GLCCI1: variants seen among roughly 807,000 people sequenced by gnomAD.
The protein encoded by GLCCI1 is glucocorticoid induced 1.
Under a neutral mutation model 52.2 loss-of-function variants are expected in GLCCI1, and 24 were observed. The ratio of observed to expected loss-of-function variants is 0.46; its 90% CI spans 0.33 to 0.65. The LOEUF is 0.65. GLCCI1 is among the 30% of genes least tolerant of loss of function. The pLI, the probability that GLCCI1 is intolerant of heterozygous loss-of-function variation, is 0.02. For synonymous variants in GLCCI1, 310 were observed against 276.5 expected (o/e 1.12, Z -1.20); for missense variants, 704 against 701.5 (o/e 1.00, Z -0.04).
chr7:7,969,663 A>G lies in GLCCI1; in HGVS notation c.313A>G (p.Ser105Gly). The part of the protein sequence containing the change: ...LPGPGAARGP[S>G]PSSPTPPAAA... ...GGGGCCCGGCGCGGCCCGCGGCCCC[A>G]GCCCGTCCAGCCCGACGCCGCCGGC... Residue 105 changes from serine to glycine, a missense_variant, in exon 1 of 8, where the codon AGC becomes GGC. Around this residue, in one of 3 missense-constraint regions of GLCCI1, gnomAD observed 547 missense variants for 524.8 expected, o/e 1.04. Transcript: ENST00000223145. This position sits in a 1 kb window ranked among gnomAD's most constrained non-coding sequence, Gnocchi z 4.9. The G allele has an allele frequency of 1.9e-6, 2 of 1,057,810 alleles. No homozygotes were observed. The highest frequency in any genetic ancestry group is 9.8e-5 in the East Asian group (1 of 10,238). 65.5% of individuals were successfully genotyped at this position (1,057,810 alleles called of 1,614,324 possible).
At chr7:7,988,902 G>A (rs1377233673) in intron 1 of GLCCI1, among the ~76,000 whole-genome samples, 3 of 152,066 alleles carry the variant, frequency 2.0e-5, no homozygotes, top group African/African-American at 7.2e-5. Flanking sequence ...GCTGCAGTTA[G>A]ATAAGGCTAA....
chr7:8,035,346 G>A (rs1200196471), intron 3 of GLCCI1, among the ~76,000 whole-genome samples: 2 of 152,200 alleles, frequency 1.3e-5, no homozygotes, highest in Non-Finnish European at 2.9e-5. Flanking sequence ...TGGCCTCAGT[G>A]CTTAAGCACA....
At chr7:8,059,230 A>G (rs1782464175) in intron 4 of GLCCI1, among the ~76,000 whole-genome samples, 1 of 152,208 alleles carries the variant, frequency 6.6e-6, no homozygotes, top group Non-Finnish European at 1.5e-5. Context: ...TCAATATGAG[A>G]AAAGTTCATG....
In GLCCI1 at chr7:8,088,771, G is replaced by A. The variant is rs148412769; in HGVS notation, c.*2233G>A. ...TCTCATGAGATACTAAATATTAATTGTGTTGTACATTTGTTCTTAGCATAT... is the reference window on the plus strand; with the variant it reads ...TCTCATGAGATACTAAATATTAATTATGTTGTACATTTGTTCTTAGCATAT... On this transcript the variant is annotated 3_prime_UTR_variant, in exon 8 of 8. Transcript: ENST00000223145. 2.0e-3 allele frequency: 300 copies of A among 152,700 alleles called. 1 individual carries two copies. Among genetic ancestry groups the A allele is most frequent in the African/African-American group, 6.9e-3 (285 of 41,558 alleles). The allele number at this position is 152,700 out of a possible 1,614,324, so 9.5% of individuals were successfully genotyped here.
chr7:8,006,599 T>C (rs1781154704), intron 2 of GLCCI1, among the ~76,000 whole-genome samples: 1 of 152,196 alleles, frequency 6.6e-6, no homozygotes, highest in Non-Finnish European at 1.5e-5. Context: ...GCAGCAAATA[T>C]AAAGACCAAT....
chr7:7,995,067 C>A (rs1185650641), intron 1 of GLCCI1, among the ~76,000 whole-genome samples: 1 of 152,056 alleles, frequency 6.6e-6, no homozygotes, highest in Non-Finnish European at 1.5e-5. Flanking sequence ...GACATCAATC[C>A]CAAGTAAAAG....
intron 1 of GLCCI1, among the ~76,000 whole-genome samples, chr7:7,996,162 C>T (rs1214293997): frequency 1.3e-5 from 2 of 152,124 alleles, no homozygotes; most frequent in Non-Finnish European, 2.9e-5. Flanking sequence ...ATATGACTTT[C>T]CACCTTTGGT....
rs567972162 is a variant in GLCCI1 at position 7,987,238 on chromosome 7, G to A, written c.458-16670G>A. Among the ~76,000 whole-genome samples the A allele has an allele frequency of 4.0e-4, 61 of 152,242 alleles. No homozygotes were observed. The South Asian group carries it at 0.012, about 30-fold the overall frequency. ...TCTTTGGGTATATTTTTCCTGTCAGGAATACTTGTGCCTCTAATATACATG... is the reference window on the plus strand; with the variant it reads ...TCTTTGGGTATATTTTTCCTGTCAGAAATACTTGTGCCTCTAATATACATG... On this transcript the variant is annotated intron_variant, in intron 1 of 7. Coordinates refer to ENST00000223145, the MANE Select transcript of GLCCI1 (RefSeq NM_138426.4).
intron 1 of GLCCI1, among the ~76,000 whole-genome samples, chr7:7,979,979 A>C (rs1174550340): frequency 1.3e-5 from 2 of 152,060 alleles, no homozygotes; most frequent in Non-Finnish European, 2.9e-5. Context: ...TGTGTCACCC[A>C]GGCTGAAGCA....
At chr7:8,081,449 A>T (rs557301503) in intron 6 of GLCCI1, among the ~76,000 whole-genome samples, 2 of 152,218 alleles carry the variant, frequency 1.3e-5, no homozygotes, top group Non-Finnish European at 2.9e-5. Flanking sequence ...GAGATTTTAC[A>T]TACTACCTGC....
At position 8,058,595 on chromosome 7, in the gene GLCCI1, G is replaced by C. The variant is rs780316328; in HGVS notation, c.814-1501G>C. ...GAAATGGTGGGGCAATTGGATTACT[G>C]TGTGGGGGAAATAATACTGAGACTT... On this transcript the variant is annotated intron_variant, in intron 4 of 7. Transcript: ENST00000223145. Among the ~76,000 whole-genome samples, 26 of 152,326 alleles carry C rather than the reference G, an allele frequency of 1.7e-4. 1 individual carries two copies. The South Asian group carries it at 3.9e-3, about 23-fold the overall frequency.
At chr7:8,000,244 G>A (rs1264354476) in intron 1 of GLCCI1, among the ~76,000 whole-genome samples, 1 of 152,094 alleles carries the variant, frequency 6.6e-6, no homozygotes, top group Non-Finnish European at 1.5e-5. Context: ...TCAGATAATG[G>A]GAGATGTTAA....
At chr7:8,062,955 A>G (rs1782549727) in intron 5 of GLCCI1, among the ~76,000 whole-genome samples, 2 of 152,172 alleles carry the variant, frequency 1.3e-5, no homozygotes, top group Admixed American at 1.3e-4. Context: ...TTTATGGTAG[A>G]GCAATTTATA....
At chr7:7,989,891 A>G (rs188544751) in intron 1 of GLCCI1, among the ~76,000 whole-genome samples, 4 of 152,218 alleles carry the variant, frequency 2.6e-5, no homozygotes, top group Admixed American at 2.6e-4. Context: ...ATATAGGTGA[A>G]AAGAGAGACA....
At chr7:8,010,066 A>C (rs1196945199) in intron 2 of GLCCI1, among the ~76,000 whole-genome samples, 1 of 152,116 alleles carries the variant, frequency 6.6e-6, no homozygotes, top group African/African-American at 2.4e-5. Flanking sequence ...TATAGGCCTT[A>C]AACTTTTTCT....
chr7:8,000,937 C>G (rs1289817833), intron 1 of GLCCI1, among the ~76,000 whole-genome samples: 1 of 152,158 alleles, frequency 6.6e-6, no homozygotes, highest in African/African-American at 2.4e-5. Context: ...TGTGTCTCTG[C>G]ATGTGAGATG....
rs755986561 is a variant in GLCCI1 at position 7,969,403 on chromosome 7, C to G, written c.53C>G (p.Pro18Arg). Residue 18 changes from proline (P) to arginine (R), a missense_variant, in exon 1 of 8, where the codon CCC becomes CGC. By Grantham distance (103) the Pro-to-Arg change is moderately radical. Coordinates refer to ENST00000223145, the MANE Select transcript of GLCCI1 (RefSeq NM_138426.4). The surrounding 1 kb of genome is among the most constrained non-coding windows in gnomAD (Gnocchi z 4.9). Reference protein sequence around the residue: ...SSSSSSQTPHPPSQRMRRSAA... With the variant: ...SSSSSSQTPHRPSQRMRRSAA... ...TCCAGTTCCTCTCAGACCCCTCATC[C>G]CCCGTCGCAGAGGATGAGGCGCAGC... 1 of 1,424,704 alleles carries G rather than the reference C, an allele frequency of 7.0e-7. No individual in the cohort carries two copies. The highest frequency in any genetic ancestry group is 1.4e-5 in the South Asian group (1 of 73,966). The allele number at this position is 1,424,704 out of a possible 1,614,324, so 88.3% of individuals were successfully genotyped here.
chr7:8,079,961 G>C (rs574550692), intron 6 of GLCCI1, among the ~76,000 whole-genome samples: 7 of 151,458 alleles, frequency 4.6e-5, no homozygotes, highest in Non-Finnish European at 8.8e-5. Flanking sequence ...CAATTCTTTA[G>C]TATTCTCACA....
At chr7:7,995,839 A>T (rs548977175) in intron 1 of GLCCI1, among the ~76,000 whole-genome samples, 1 of 152,190 alleles carries the variant, frequency 6.6e-6, no homozygotes, top group East Asian at 1.9e-4. Flanking sequence ...AACATGGCAC[A>T]TGTATACATA....
Sources: gnomAD v4.1 joint callset for allele counts (sites outside exome capture counted in the v4.1 genomes callset) on GRCh38, gnomAD v4.1.1 for gene constraint, gnomAD v4.1.1 regional missense constraint, Gnocchi (gnomAD v3.1) non-coding constraint, MANE v1.5 for transcripts, NCBI Gene and HGNC (gene_info 2026-07-23, HGNC 2026-07-21) for gene names.